The following RNF180 variants were observed in gnomAD, a reference collection of about 807,000 sequenced individuals.
RNF180 encodes ring finger protein 180.
Under a neutral mutation model 59.2 loss-of-function variants are expected in RNF180, and 38 were observed. The ratio of observed to expected loss-of-function variants is 0.64; its 90% CI spans 0.50 to 0.84. RNF180 has a LOEUF of 0.84. RNF180 is among the 40% of genes least tolerant of loss of function. The pLI, the probability that RNF180 is intolerant of heterozygous loss-of-function variation, is 0.00. For synonymous variants in RNF180, 262 were observed against 240.3 expected (o/e 1.09, Z -0.84); for missense variants, 705 against 700.9 (o/e 1.01, Z -0.07).
intron 5 of RNF180, among the ~76,000 whole-genome samples, chr5:64,223,693 T>G (rs1386607618): frequency 6.6e-6 from 1 of 152,164 alleles, no homozygotes; most frequent in Non-Finnish European, 1.5e-5. Context: ...TCTTTTTTTT[T>G]GATGATTCAG....
At chr5:64,180,623 G>A (rs1325604365) in intron 1 of RNF180, among the ~76,000 whole-genome samples, 1 of 152,142 alleles carries the variant, frequency 6.6e-6, no homozygotes, top group Non-Finnish European at 1.5e-5. Context: ...CTTAGGTTGA[G>A]AGGAATTTCT....
At chr5:64,297,417 T>C (rs1404060811) in intron 5 of RNF180, among the ~76,000 whole-genome samples, 1 of 152,030 alleles carries the variant, frequency 6.6e-6, no homozygotes, top group African/African-American at 2.4e-5. Context: ...TATAAATCCC[T>C]CAAAATTTGG....
At chr5:64,220,979 C>A (rs1741295344) in intron 5 of RNF180, among the ~76,000 whole-genome samples, 2 of 152,066 alleles carry the variant, frequency 1.3e-5, no homozygotes, top group African/African-American at 2.4e-5. Flanking sequence ...ATATTAAAGA[C>A]CTGCTTATTT....
At chr5:64,243,962 A>G (rs1272789867) in intron 5 of RNF180, among the ~76,000 whole-genome samples, 2 of 152,042 alleles carry the variant, frequency 1.3e-5, no homozygotes, top group African/African-American at 4.8e-5. Flanking sequence ...TCTGTAGTGG[A>G]CCTCCAGCAA....
intron 7 of RNF180, among the ~76,000 whole-genome samples, chr5:64,357,421 T>G (rs1036318668): frequency 6.6e-6 from 1 of 151,840 alleles, no homozygotes; most frequent in Non-Finnish European, 1.5e-5. Flanking sequence ...ATTTGAAAGA[T>G]AGGACATGTC....
rs114952485 is a variant in RNF180, at chr5:64,307,933, G to A, written c.1228-17253G>A. Among the ~76,000 whole-genome samples, 709 of 151,890 alleles carry A rather than the reference G, an allele frequency of 4.7e-3. 5 individuals carry two copies. The highest frequency in any genetic ancestry group is 0.017 in the African/African-American group (685 of 41,500). On this transcript the variant is annotated intron_variant, in intron 5 of 7. Transcript: ENST00000389100. ...GTAATCTGCTAAATTGCAGGAAGCA[G>A]TATGGCTGAAGCAGGTAGTCTTCTC...
intron 5 of RNF180, among the ~76,000 whole-genome samples, chr5:64,293,964 A>G (rs1014877730): frequency 6.6e-6 from 1 of 152,246 alleles, no homozygotes; most frequent in Non-Finnish European, 1.5e-5. Flanking sequence ...TATTCACTTT[A>G]TAATGTAAAC....
chr5:64,276,849 C>T (rs1223142617), intron 5 of RNF180, among the ~76,000 whole-genome samples: 5 of 151,966 alleles, frequency 3.3e-5, no homozygotes, highest in Non-Finnish European at 7.4e-5. Flanking sequence ...ATTTTGCTTT[C>T]GAAATGTCTT....
intron 5 of RNF180, among the ~76,000 whole-genome samples, chr5:64,303,665 T>C (rs1743280308): frequency 6.6e-6 from 1 of 151,558 alleles, no homozygotes; most frequent in Non-Finnish European, 1.5e-5. Context: ...AGAAGAAAAG[T>C]GTGAAGCTAG....
At chr5:64,222,321 TAC>T (rs1741393322) in intron 5 of RNF180, among the ~76,000 whole-genome samples, 1 of 152,194 alleles carries the variant, frequency 6.6e-6, no homozygotes, top group Non-Finnish European at 1.5e-5. Flanking sequence ...AGTTTTAGGG[TAC>T]ATGTGCACAA....
intron 5 of RNF180, among the ~76,000 whole-genome samples, chr5:64,252,210 T>G (rs1159380174): frequency 6.6e-6 from 1 of 152,012 alleles, no homozygotes; most frequent in African/African-American, 2.4e-5. Flanking sequence ...TATAGAGAGC[T>G]CAGAAATAAA....
chr5:64,342,619 T>G (rs964187389), intron 7 of RNF180, among the ~76,000 whole-genome samples: 10 of 152,116 alleles, frequency 6.6e-5, no homozygotes, highest in Non-Finnish European at 1.3e-4. Context: ...AGAATCCTCC[T>G]TAAGATATAT....
chr5:64,258,819 G>A (rs1346675786), intron 5 of RNF180, among the ~76,000 whole-genome samples: 1 of 152,170 alleles, frequency 6.6e-6, no homozygotes, highest in East Asian at 1.9e-4. Context: ...AGTGGGTAAT[G>A]TGAAAAATGA....
chr5:64,268,176 A>G (rs997245937), intron 5 of RNF180, among the ~76,000 whole-genome samples: 1 of 152,158 alleles, frequency 6.6e-6, no homozygotes, highest in African/African-American at 2.4e-5. Flanking sequence ...AGTTCAAATT[A>G]TGCCTTTACT....
chr5:64,355,980 C>G (rs1746005036), intron 7 of RNF180, among the ~76,000 whole-genome samples: 1 of 151,772 alleles, frequency 6.6e-6, no homozygotes, highest in Admixed American at 6.6e-5. Flanking sequence ...ACATCAAAAT[C>G]ACAAGCAACA....
At chr5:64,241,156 C>T (rs554794582) in intron 5 of RNF180, among the ~76,000 whole-genome samples, 1 of 152,292 alleles carries the variant, frequency 6.6e-6, no homozygotes, top group South Asian at 2.1e-4. Flanking sequence ...TAGTGGAAGA[C>T]ATTGTTAGTT....
At chr5:64,300,227 T>A (rs1743089877) in intron 5 of RNF180, among the ~76,000 whole-genome samples, 1 of 151,818 alleles carries the variant, frequency 6.6e-6, no homozygotes, top group African/African-American at 2.4e-5. Context: ...AAGGTAAGAA[T>A]GAGTATTTTG....
chr5:64,247,002 C>T (rs1180030790), intron 5 of RNF180, among the ~76,000 whole-genome samples: 1 of 152,138 alleles, frequency 6.6e-6, no homozygotes, highest in Non-Finnish European at 1.5e-5. Flanking sequence ...GAACCAATGA[C>T]AAAAATTACA....
rs180861521 is a variant in RNF180, at chr5:64,343,956, T to C, written c.1579+13550T>C. Among the ~76,000 whole-genome samples, 537 of 151,520 alleles carry C rather than the reference T, an allele frequency of 3.5e-3. 7 individuals carry two copies. The highest frequency in any genetic ancestry group is 0.012 in the African/African-American group (488 of 41,384). ...ATTTCACCTTCATTTTTTAAGGATA[T>C]TTTCCAAAACTGAAGACAGACATCA... On this transcript the variant is annotated intron_variant, in intron 7 of 7. Coordinates refer to ENST00000389100, the MANE Select transcript of RNF180 (RefSeq NM_001113561.2).
Sources: gnomAD v4.1 joint callset for allele counts (sites outside exome capture counted in the v4.1 genomes callset) on GRCh38, gnomAD v4.1.1 for gene constraint, MANE v1.5 for transcripts, NCBI Gene and HGNC (gene_info 2026-07-23, HGNC 2026-07-21) for gene names.